Variants in ZNF566 observed in about 807,000 individuals in gnomAD.
The protein encoded by ZNF566 is zinc finger protein 566.
Under a neutral mutation model 32.8 loss-of-function variants are expected in ZNF566, and 27 were observed. The observed-to-expected ratio is 0.82, with a 90% CI of 0.61 to 1.14. The LOEUF (loss-of-function observed/expected upper bound fraction) is 1.14, where lower values mean the gene tolerates loss of function less well. Ranked by LOEUF, ZNF566 falls within the 50% of genes most tolerant of loss-of-function variation. The probability of loss-of-function intolerance (pLI) is 0.00; values close to 1 mark genes in which losing one functional copy is unlikely to be tolerated. For missense variants in ZNF566, 402 were observed against 490.4 expected (o/e 0.82, Z 1.70); for synonymous variants, 154 against 159.5 (o/e 0.97, Z 0.26).
chr19:36,454,913 C>CA (rs549121445), intron 4 of ZNF566, among the ~76,000 whole-genome samples: 146 of 152,156 alleles, frequency 9.6e-4, no homozygotes, highest in African/African-American at 3.5e-3. Context: ...CAAAACCAGA[C>CA]AAAAAATCTA....
At chr19:36,463,129 C>T (rs901915627) in intron 4 of ZNF566, among the ~76,000 whole-genome samples, 1 of 151,372 alleles carries the variant, frequency 6.6e-6, no homozygotes, top group East Asian at 1.9e-4. Context: ...CACAGGGAGA[C>T]CTGGTTTCTA....
chr19:36,476,423 A>T, intron 2 of ZNF566, 126 bp downstream of exon 2: 1 of 780,060 alleles, frequency 1.3e-6, no homozygotes, highest in Non-Finnish European at 2.0e-6. Flanking sequence ...GACATTGCTC[A>T]TAACCAAACT....
chr19:36,476,659 A>C (rs2033894098), intron 1 of ZNF566, 43 bp from the exon 2 acceptor site: 8 of 1,517,568 alleles, frequency 5.3e-6, no homozygotes, highest in Middle Eastern at 3.4e-4. Context: ...CACTTTCCTC[A>C]CAGCTCCTGG....
chr19:36,468,949 T>C (rs1010996246), intron 4 of ZNF566, among the ~76,000 whole-genome samples: 3 of 150,678 alleles, frequency 2.0e-5, no homozygotes, highest in Non-Finnish European at 2.9e-5. Flanking sequence ...TGGGAACCAA[T>C]AGACAGGTAA....
chr19:36,461,521 T>A (rs1324175266), intron 4 of ZNF566, among the ~76,000 whole-genome samples: 4 of 151,582 alleles, frequency 2.6e-5, no homozygotes, highest in Non-Finnish European at 5.9e-5. Context: ...ACAAAAAAAA[T>A]TAGTTAGGCT....
intron 4 of ZNF566, among the ~76,000 whole-genome samples, chr19:36,458,131 G>GA (rs1182874208): frequency 6.6e-6 from 1 of 151,766 alleles, no homozygotes; most frequent in Non-Finnish European, 1.5e-5. Flanking sequence ...CAGTATGGGG[G>GA]AAAAAAAATC....
At chr19:36,453,283 G>A (rs1032625408) in intron 4 of ZNF566, among the ~76,000 whole-genome samples, 6 of 151,356 alleles carry the variant, frequency 4.0e-5, no homozygotes, top group African/African-American at 1.5e-4. Flanking sequence ...GACCATCCTG[G>A]CCAACATTGT....
At chr19:36,474,738 T>C (rs2033844377) in intron 2 of ZNF566, among the ~76,000 whole-genome samples, 2 of 152,170 alleles carry the variant, frequency 1.3e-5, no homozygotes. Flanking sequence ...TCTTAGAAAA[T>C]TAAATTTGCA....
chr19:36,467,804 A>AAG (rs1568521826), intron 4 of ZNF566, among the ~76,000 whole-genome samples: 36 of 21,052 alleles, frequency 1.7e-3, no homozygotes, highest in African/African-American at 6.6e-3. Context: ...AAAAAAAAAA[A>AAG]AAAAAAAAAA....
At chr19:36,478,716 C>T (rs780153730) in intron 1 of ZNF566, among the ~76,000 whole-genome samples, 21 of 151,948 alleles carry the variant, frequency 1.4e-4, no homozygotes, top group Non-Finnish European at 3.1e-4. Flanking sequence ...AGACAGTTAC[C>T]ATGGGTCTCC....
At chr19:36,477,292 G>T (rs997923861) in intron 1 of ZNF566, among the ~76,000 whole-genome samples, 2 of 152,072 alleles carry the variant, frequency 1.3e-5, no homozygotes, top group African/African-American at 4.8e-5. Context: ...TTACAGGTAT[G>T]AGCCACCGCG....
Position 36,470,814 on chromosome 19 carries a change from G to A in ZNF566, c.232+2097C>T, listed in dbSNP as rs193154276. On this transcript the variant is annotated intron_variant, in intron 4 of 4. Coordinates refer to ENST00000452939, the MANE Select transcript of ZNF566 (RefSeq NM_001145344.1). ...AATCCCAGCTACTCGGGAGGATGAG[G>A]CACGAGAATCGCTTGAACCCAGGAG... Among the ~76,000 whole-genome samples, 740 of 152,142 alleles carry A rather than the reference G, an allele frequency of 4.9e-3. 6 individuals are homozygous for A. Among genetic ancestry groups the A allele is most frequent in the African/African-American group, 0.017 (698 of 41,488 alleles).
chr19:36,467,274 A>C (rs1329254548), intron 4 of ZNF566, among the ~76,000 whole-genome samples: 1 of 150,736 alleles, frequency 6.6e-6, no homozygotes, highest in Non-Finnish European at 1.5e-5. Context: ...TCTCTACTAA[A>C]AATATAAAAA....
intron 1 of ZNF566, among the ~76,000 whole-genome samples, chr19:36,484,757 T>C (rs2034116474): frequency 6.6e-6 from 1 of 151,804 alleles, no homozygotes; most frequent in African/African-American, 2.4e-5. Flanking sequence ...GCCCAGCTAA[T>C]TTTTTGTATT....
chr19:36,465,258 G>A (rs1227480737), intron 4 of ZNF566, among the ~76,000 whole-genome samples: 2 of 152,072 alleles, frequency 1.3e-5, no homozygotes, highest in East Asian at 3.9e-4. Context: ...GAAAGATGGT[G>A]GAACAAAAGT....
chr19:36,453,812 T>C (rs1314659017), intron 4 of ZNF566, among the ~76,000 whole-genome samples: 2 of 151,952 alleles, frequency 1.3e-5, no homozygotes, highest in Admixed American at 6.6e-5. Context: ...AAACTAGACA[T>C]GTGCCACCAC....
At chr19:36,467,692 G>A (rs1263623332) in intron 4 of ZNF566, among the ~76,000 whole-genome samples, 1 of 147,904 alleles carries the variant, frequency 6.8e-6, no homozygotes, top group African/African-American at 2.5e-5. Context: ...TTGGGAGGCT[G>A]AGGTGGGAGA....
At chr19:36,455,510 G>C (rs750570885) in intron 4 of ZNF566, among the ~76,000 whole-genome samples, 5 of 152,148 alleles carry the variant, frequency 3.3e-5, no homozygotes, top group Non-Finnish European at 5.9e-5. Flanking sequence ...GGGAGGCCGA[G>C]GCGGGCAGAT....
intron 1 of ZNF566, among the ~76,000 whole-genome samples, chr19:36,482,573 T>C (rs2034063708): frequency 6.6e-6 from 1 of 151,796 alleles, no homozygotes; most frequent in Admixed American, 6.6e-5. Context: ...TGGAAGATGT[T>C]TGTTTACTAT....
Sources: allele counts gnomAD v4.1 joint callset (sites outside exome capture counted in the v4.1 genomes callset), GRCh38; gene constraint gnomAD v4.1.1; transcripts MANE v1.5; gene names NCBI Gene and HGNC (gene_info 2026-07-23, HGNC 2026-07-21).